MIA2: variants seen among roughly 807,000 people sequenced by gnomAD.
MIA2 encodes the protein melanoma inhibitory activity protein 2.
MIA2 carries 127 observed loss-of-function variants against 167.8 expected under a neutral mutation model. The ratio of observed to expected loss-of-function variants is 0.76; its 90% CI spans 0.66 to 0.88. The LOEUF (loss-of-function observed/expected upper bound fraction) is 0.88, where lower values mean the gene tolerates loss of function less well. Among genes scored for constraint, MIA2 ranks in the 40% least tolerant of loss-of-function variants. The pLI, the probability that MIA2 is intolerant of heterozygous loss-of-function variation, is 0.00. For synonymous variants in MIA2, 552 were observed against 541.9 expected (o/e 1.02, Z -0.26); for missense variants, 1,690 against 1,624.7 (o/e 1.04, Z -0.69).
chr14:39,307,690 C>T (rs1034899332), intron 17 of MIA2, among the ~76,000 whole-genome samples: 15 of 151,980 alleles, frequency 9.9e-5, no homozygotes, highest in Admixed American at 2.6e-4. Context: ...CGTGAGCCAC[C>T]GTGCCCGGCC....
intron 25 of MIA2, among the ~76,000 whole-genome samples, chr14:39,333,292 TAGA>T (rs1192941105): frequency 6.6e-6 from 1 of 152,202 alleles, no homozygotes; most frequent in African/African-American, 2.4e-5. Flanking sequence ...GGTCTTGCTG[TAGA>T]AGACCATTAA....
At chr14:39,313,837 A>T (rs1035864898) in intron 19 of MIA2, among the ~76,000 whole-genome samples, 16 of 152,218 alleles carry the variant, frequency 1.1e-4, no homozygotes, top group African/African-American at 3.9e-4. Context: ...AGAGTGAGCC[A>T]TAGAGCATTT....
At chr14:39,298,467 G>A (rs112544222) in intron 13 of MIA2, among the ~76,000 whole-genome samples, 1 of 104,976 alleles carries the variant, frequency 9.5e-6, no homozygotes, top group Admixed American at 1.1e-4. Flanking sequence ...CATGTGTTCG[G>A]AATACGCTAA....
At chr14:39,244,853 C>T (rs1029951311) in intron 3 of MIA2, among the ~76,000 whole-genome samples, 46 of 152,012 alleles carry the variant, frequency 3.0e-4, no homozygotes, top group African/African-American at 9.9e-4. Context: ...TTATAGTCCA[C>T]GGGAGCCTCA....
At chr14:39,294,742 T>C (rs549850458) in intron 12 of MIA2, among the ~76,000 whole-genome samples, 183 bp from the exon 13 acceptor site, 41 of 152,222 alleles carry the variant, frequency 2.7e-4, no homozygotes, top group African/African-American at 9.4e-4. Flanking sequence ...AGCAAGTTAG[T>C]GGGAAAGGCA....
At chr14:39,281,432 A>C (rs1457121264) in intron 9 of MIA2, among the ~76,000 whole-genome samples, 1 of 152,088 alleles carries the variant, frequency 6.6e-6, no homozygotes, top group Non-Finnish European at 1.5e-5. Flanking sequence ...CCATGTTGCC[A>C]ATAGTTTTCA....
chr14:39,288,447 A>ATTTT (rs1566746559), intron 9 of MIA2, among the ~76,000 whole-genome samples: 5 of 4,574 alleles, frequency 1.1e-3, no homozygotes, highest in Non-Finnish European at 2.2e-3. Flanking sequence ...ATATATATAT[A>ATTTT]TATATATATA....
chr14:39,365,622 T>G (rs1416048173), intron 23 of MIA2, among the ~76,000 whole-genome samples: 2 of 152,006 alleles, frequency 1.3e-5, no homozygotes, highest in Non-Finnish European at 2.9e-5. Context: ...AATTCTTTCA[T>G]TCTAGGATAC....
intron 28 of MIA2, among the ~76,000 whole-genome samples, chr14:39,349,399 T>C (rs574334913): frequency 6.6e-6 from 1 of 152,344 alleles, no homozygotes; most frequent in East Asian, 1.9e-4. Context: ...GTCCTACTTA[T>C]TTAAAACTTA....
At chr14:39,323,898 G>GTTTA in intron 24 of MIA2, among the ~76,000 whole-genome samples, 1 of 152,108 alleles carries the variant, frequency 6.6e-6, no homozygotes, top group East Asian at 1.9e-4. Context: ...TTTACCATTT[G>GTTTA]TTTAAAAAGC....
downstream of MIA2, among the ~76,000 whole-genome samples, chr14:39,356,038 G>T: frequency 6.6e-6 from 1 of 152,170 alleles, no homozygotes; most frequent in Admixed American, 6.5e-5. Flanking sequence ...TCTCTGCCAG[G>T]CTTTGGTATC....
intron 11 of MIA2, 152 bp from the exon 12 acceptor site, chr14:39,293,848 C>G (rs960046677): frequency 4.9e-6 from 3 of 609,260 alleles, no homozygotes; most frequent in Non-Finnish European, 8.7e-6. Context: ...TATAAAATCC[C>G]TTTTAGCATA....
chr14:39,248,104 A>T lies in MIA2; in HGVS notation c.1530A>T (p.Thr510=), dbSNP rs1173478083. The T allele has an allele frequency of 6.5e-7, 1 of 1,530,126 alleles. No individual in the cohort carries two copies. The highest frequency in any genetic ancestry group is 2.3e-5 in the Admixed American group (1 of 43,146). The allele number at this position is 1,530,126 out of a possible 1,614,324, so 94.8% of individuals were successfully genotyped here. A position where few individuals can be genotyped will look rare whatever the true frequency, so the allele number is the denominator to read the frequency against. ...FSIDNYPTDN[T]KVMIFKSSYS... ...TTGATAATTATCCCACAGATAATAC[A>T]AAAGTTATGATATTCAAAAGTTCAT... is the stretch of plus-strand genomic sequence containing the variant. The change falls in exon 4 of 29, where the codon ACA becomes ACT. Residue 510 remains threonine, a synonymous_variant. Coordinates refer to ENST00000640607, the MANE Select transcript of MIA2 (RefSeq NM_001329214.4).
intron 6 of MIA2, among the ~76,000 whole-genome samples, chr14:39,275,937 A>T (rs2057940930): frequency 6.6e-6 from 1 of 152,210 alleles, no homozygotes; most frequent in Admixed American, 6.5e-5. Context: ...GATTAGAGTT[A>T]TAAAAGATTT....
chr14:39,238,811 A>AAAAAAAAAAAAAAAAAAAAAAAAAAAAC, intron 2 of MIA2, among the ~76,000 whole-genome samples: 8 of 103,604 alleles, frequency 7.7e-5, no homozygotes, highest in African/African-American at 2.0e-4. Context: ...AAAAAAAAAA[A>AAAAAAAAAAAAAAAAAAAAAAAAAAAAC]CCCAAAAAAC....
intron 24 of MIA2, among the ~76,000 whole-genome samples, chr14:39,324,218 A>C (rs1195544340): frequency 6.6e-6 from 1 of 152,236 alleles, no homozygotes; most frequent in Non-Finnish European, 1.5e-5. Context: ...GTAAGCAATC[A>C]GGAAGGAAAG....
chr14:39,310,133 A>T (rs1029182310), intron 18 of MIA2, among the ~76,000 whole-genome samples: 2 of 152,166 alleles, frequency 1.3e-5, no homozygotes, highest in African/African-American at 4.8e-5. Flanking sequence ...CCATTCATGG[A>T]CATATTCAGA....
chr14:39,371,790 CTTAAA>C (rs1177673336), intron 23 of MIA2, among the ~76,000 whole-genome samples: 1 of 152,158 alleles, frequency 6.6e-6, no homozygotes, highest in African/African-American at 2.4e-5. Flanking sequence ...CATCTAATGA[CTTAAA>C]TTATATTATG....
At chr14:39,363,300 TG>T (rs2074735231) in intron 23 of MIA2, among the ~76,000 whole-genome samples, 1 of 152,116 alleles carries the variant, frequency 6.6e-6, no homozygotes. Context: ...GAGGCCAAGG[TG>T]GGAGGTTTTC....
Sources: gnomAD v4.1 joint callset for allele counts (sites outside exome capture counted in the v4.1 genomes callset) on GRCh38, gnomAD v4.1.1 for gene constraint, MANE v1.5 for transcripts, NCBI Gene and HGNC (gene_info 2026-07-23, HGNC 2026-07-21) for gene names.